Variants in OPCML observed in about 807,000 individuals in gnomAD.
The protein encoded by OPCML is opioid binding protein/cell adhesion molecule like.
A neutral mutation model predicts 37.8 loss-of-function variants in OPCML; 13 were observed. The observed-to-expected ratio is 0.34, with a 90% CI of 0.22 to 0.55. The LOEUF is 0.55. Among genes scored for constraint, OPCML ranks in the 20% least tolerant of loss-of-function variants. The probability of loss-of-function intolerance (pLI) is 0.91; values close to 1 mark genes in which losing one functional copy is unlikely to be tolerated. For synonymous variants in OPCML, 176 were observed against 168.8 expected (o/e 1.04, Z -0.33); for missense variants, 341 against 435.6 (o/e 0.78, Z 1.93).
At chr11:133,388,641 A>G (rs1042652978) in intron 1 of OPCML, among the ~76,000 whole-genome samples, 2 of 152,204 alleles carry the variant, frequency 1.3e-5, no homozygotes, top group African/African-American at 4.8e-5. Context: ...TTTCTTCTAG[A>G]GAGAGTATAA....
intron 1 of OPCML, among the ~76,000 whole-genome samples, chr11:133,520,240 C>T (rs370228467): frequency 6.6e-6 from 1 of 152,026 alleles, no homozygotes; most frequent in East Asian, 1.9e-4. Context: ...GTGCAGTGTG[C>T]GTGGGAGGTT....
intron 1 of OPCML, among the ~76,000 whole-genome samples, chr11:133,050,391 T>C (rs913977846): frequency 2.0e-5 from 3 of 152,206 alleles, no homozygotes; most frequent in African/African-American, 7.2e-5. Context: ...TTGCCTGTAA[T>C]GAGCAAATTA....
intron 1 of OPCML, among the ~76,000 whole-genome samples, chr11:133,190,078 A>G (rs1017589593): frequency 2.6e-5 from 4 of 152,218 alleles, no homozygotes; most frequent in Non-Finnish European, 5.9e-5. Context: ...ATCAACAAAG[A>G]TATAATCCTA....
intron 1 of OPCML, among the ~76,000 whole-genome samples, chr11:133,241,406 G>T (rs1377704037): frequency 1.3e-5 from 2 of 152,198 alleles, no homozygotes; most frequent in Admixed American, 1.3e-4. Flanking sequence ...GGAAATGGTA[G>T]AGCCAAAGCT....
chr11:132,910,062 G>C (rs936473497), intron 2 of OPCML, among the ~76,000 whole-genome samples: 1 of 152,218 alleles, frequency 6.6e-6, no homozygotes. Context: ...TTTCCATCGA[G>C]AGAGTCGGTA....
At chr11:133,419,285 A>G (rs776880562) in intron 1 of OPCML, 55 of 985,294 alleles carry the variant, frequency 5.6e-5, no homozygotes, top group Non-Finnish European at 6.5e-5. Context: ...GGAATTTGTG[A>G]AACCTCGAGA....
chr11:132,567,085 C>T (rs1041353588), intron 3 of OPCML, among the ~76,000 whole-genome samples: 1 of 151,864 alleles, frequency 6.6e-6, no homozygotes, highest in Non-Finnish European at 1.5e-5. Context: ...AACAGAGTGG[C>T]CTCAATCATG....
chr11:133,164,161 C>A (rs991595235), intron 1 of OPCML, among the ~76,000 whole-genome samples: 2 of 152,216 alleles, frequency 1.3e-5, no homozygotes, highest in African/African-American at 4.8e-5. Context: ...AGAGCAGCCA[C>A]AGTGCAGTGC....
chr11:132,450,002 A>G (rs1045015029), intron 4 of OPCML, among the ~76,000 whole-genome samples: 20 of 152,166 alleles, frequency 1.3e-4, no homozygotes, highest in Non-Finnish European at 2.1e-4. Flanking sequence ...TTTCTGCCCC[A>G]GAAACCTGCG....
At chr11:132,989,607 G>A (rs1336269409) in intron 1 of OPCML, among the ~76,000 whole-genome samples, 6 of 18,060 alleles carry the variant, frequency 3.3e-4, no homozygotes, top group African/African-American at 1.1e-3. Context: ...TAGAGCGTGT[G>A]TGTGTGTGTG....
chr11:133,487,269 G>A (rs1947550001), intron 1 of OPCML, among the ~76,000 whole-genome samples: 1 of 152,010 alleles, frequency 6.6e-6, no homozygotes, highest in East Asian at 1.9e-4. Flanking sequence ...GTCTGTCTCT[G>A]ACCAGGGAGA....
intron 4 of OPCML, among the ~76,000 whole-genome samples, chr11:132,440,799 T>C (rs2096030071): frequency 6.6e-6 from 1 of 152,226 alleles, no homozygotes; most frequent in Admixed American, 6.5e-5. Context: ...TTTTCTTAAC[T>C]ACTTTGAATG....
At chr11:133,191,877 G>A (rs1397359296) in intron 1 of OPCML, among the ~76,000 whole-genome samples, 1 of 152,168 alleles carries the variant, frequency 6.6e-6, no homozygotes, top group Non-Finnish European at 1.5e-5. Context: ...CCCATGTACA[G>A]TCATTGGTCA....
chr11:133,447,157 C>G (rs1156956763), intron 1 of OPCML, among the ~76,000 whole-genome samples: 2 of 152,194 alleles, frequency 1.3e-5, no homozygotes, highest in African/African-American at 2.4e-5. Flanking sequence ...TTCTCACTAG[C>G]AATGTATGAG....
In OPCML at chr11:132,988,187, G is replaced by T. The variant is rs535433157; in HGVS notation, c.62-45177C>A. Among the ~76,000 whole-genome samples the T allele has an allele frequency of 3.9e-5, 6 of 152,300 alleles. No individual in the cohort carries two copies. The South Asian group carries it at 1.2e-3, about 32-fold the overall frequency. On this transcript the variant is annotated intron_variant, in intron 1 of 7. Coordinates refer to ENST00000524381, the MANE Select transcript of OPCML (RefSeq NM_001012393.5). ...ATGGATGAGGGTGGTCAGTATTCCAGTAAGCAGCCAGGCTGAGAGTTGACT... is the reference window on the plus strand; with the variant it reads ...ATGGATGAGGGTGGTCAGTATTCCATTAAGCAGCCAGGCTGAGAGTTGACT...
At chr11:133,402,250 T>TA (rs112390398) in intron 1 of OPCML, among the ~76,000 whole-genome samples, 16,526 of 147,090 alleles carry the variant, frequency 0.11, 980 homozygotes, top group East Asian at 0.17. Flanking sequence ...CCTGATTTTA[T>TA]AAAAAAAAAC....
chr11:132,830,477 T>C (rs1358764172), intron 2 of OPCML, among the ~76,000 whole-genome samples: 1 of 152,222 alleles, frequency 6.6e-6, no homozygotes, highest in Non-Finnish European at 1.5e-5. Flanking sequence ...AGCCCCTCCC[T>C]GCACTGGGAC....
At chr11:133,475,603 G>T (rs1455615649) in intron 1 of OPCML, among the ~76,000 whole-genome samples, 1 of 152,134 alleles carries the variant, frequency 6.6e-6, no homozygotes, top group Non-Finnish European at 1.5e-5. Context: ...GAGATTGCAG[G>T]AACAATCTCT....
chr11:133,183,711 A>T (rs1235001054), intron 1 of OPCML, among the ~76,000 whole-genome samples: 1 of 152,222 alleles, frequency 6.6e-6, no homozygotes, highest in African/African-American at 2.4e-5. Flanking sequence ...AAGGTACTCA[A>T]AATGTATTTG....
Sources: allele counts gnomAD v4.1 joint callset (sites outside exome capture counted in the v4.1 genomes callset), GRCh38; gene constraint gnomAD v4.1.1; transcripts MANE v1.5; gene names NCBI Gene and HGNC (gene_info 2026-07-23, HGNC 2026-07-21).